MAPK10: variants seen among roughly 807,000 people sequenced by gnomAD.
The protein encoded by MAPK10 is mitogen-activated protein kinase 10, also known as JNK3 alpha protein kinase.
A neutral mutation model predicts 59.3 loss-of-function variants in MAPK10; 25 were observed. The ratio of observed to expected loss-of-function variants is 0.42; its 90% CI spans 0.31 to 0.59. The LOEUF (loss-of-function observed/expected upper bound fraction) is 0.59. Ranked by LOEUF, MAPK10 falls within the 20% of genes least tolerant of loss-of-function variation. The pLI is 0.15. For missense variants in MAPK10, 351 were observed against 568.9 expected (o/e 0.62, Z 3.90); for synonymous variants, 190 against 200.5 (o/e 0.95, Z 0.44).
At chr4:86,291,487 C>T (rs1026905800) in intron 2 of MAPK10, among the ~76,000 whole-genome samples, 5 of 152,098 alleles carry the variant, frequency 3.3e-5, no homozygotes, top group African/African-American at 1.2e-4. Context: ...CTAGTGGTTA[C>T]AGAAAAAGTA....
intron 3 of MAPK10, among the ~76,000 whole-genome samples, chr4:86,187,095 T>A (rs921456658): frequency 6.6e-6 from 1 of 152,106 alleles, no homozygotes; most frequent in African/African-American, 2.4e-5. Context: ...AATCAGTTCG[T>A]ATGATGAGAA....
At chr4:86,316,703 C>T (rs1197712128) in intron 2 of MAPK10, among the ~76,000 whole-genome samples, 1 of 152,088 alleles carries the variant, frequency 6.6e-6, no homozygotes, top group African/African-American at 2.4e-5. Context: ...ACTAAGAAAG[C>T]AGTAGTGGCA....
intron 2 of MAPK10, among the ~76,000 whole-genome samples, chr4:86,251,305 A>G (rs987631142): frequency 4.6e-5 from 7 of 151,820 alleles, no homozygotes; most frequent in Non-Finnish European, 8.8e-5. Context: ...AGGTATATCT[A>G]CCAATGCTAT....
intron 4 of MAPK10, among the ~76,000 whole-genome samples, chr4:86,144,992 A>AC (rs1338899212): frequency 6.6e-6 from 1 of 152,086 alleles, no homozygotes; most frequent in African/African-American, 2.4e-5. Context: ...TGTTTACCAA[A>AC]AAAAACCCAA....
intron 2 of MAPK10, among the ~76,000 whole-genome samples, chr4:86,280,382 C>G (rs2148796133): frequency 6.6e-6 from 1 of 152,178 alleles, no homozygotes; most frequent in South Asian, 2.1e-4. Context: ...CAGAGAAATG[C>G]AAATCAAAAC....
rs2080823448 is a variant in MAPK10, at chr4:86,194,528, T to C, written c.-6-121A>G. 7 of 677,882 alleles carry C rather than the reference T, an allele frequency of 1.0e-5. No homozygotes were observed. The South Asian group carries it at 1.2e-4, about 12-fold the overall frequency. 42.0% of individuals were successfully genotyped at this position (677,882 alleles called of 1,614,324 possible). A position where few individuals can be genotyped will look rare whatever the true frequency, so the allele number is the denominator to read the frequency against. Reference sequence around the variant, plus strand: ...TACCATGCACAACATATCTCCAACATAATCCTTATCTTGACCTGTACTATA... The same window carrying C: ...TACCATGCACAACATATCTCCAACACAATCCTTATCTTGACCTGTACTATA... On this transcript the variant is annotated intron_variant, in intron 2 of 13. Coordinates refer to ENST00000641462, the MANE Select transcript of MAPK10 (RefSeq NM_138982.4).
chr4:86,128,967 A>T (rs2060544881), intron 4 of MAPK10, among the ~76,000 whole-genome samples: 1 of 152,140 alleles, frequency 6.6e-6, no homozygotes, highest in African/African-American at 2.4e-5. Context: ...TAGTGTAAAC[A>T]AGAAAATTCC....
rs540769016 is a variant in MAPK10, at chr4:86,511,097, G to A, written c.-263+82813C>T. Among the ~76,000 whole-genome samples, 5 of 152,320 alleles carry A rather than the reference G, an allele frequency of 3.3e-5. No homozygotes were observed. The East Asian group carries it at 9.7e-4, about 29-fold the overall frequency. On this transcript the variant is annotated intron_variant, in intron 1 of 4. Transcript: ENST00000502302. ...AGGTGATGGATATCCCAGGTACCCT[G>A]ATTTGATCATTACACATTGTATACA...
intron 11 of MAPK10, among the ~76,000 whole-genome samples, chr4:86,063,165 A>C (rs1457323042): frequency 6.6e-6 from 1 of 152,178 alleles, no homozygotes; most frequent in African/African-American, 2.4e-5. Flanking sequence ...GTGTCTGTAA[A>C]GTTCAATTCT....
intron 2 of MAPK10, among the ~76,000 whole-genome samples, chr4:86,286,815 C>G (rs1485006393): frequency 6.6e-6 from 1 of 152,206 alleles, no homozygotes; most frequent in Non-Finnish European, 1.5e-5. Flanking sequence ...ATAGTAGCCT[C>G]AGTCTGAATA....
chr4:86,508,218 A>G (rs1755951830), intron 1 of MAPK10, among the ~76,000 whole-genome samples: 1 of 152,148 alleles, frequency 6.6e-6, no homozygotes, highest in Non-Finnish European at 1.5e-5. Context: ...CAGTGAGGCC[A>G]AAGTTAGCTC....
chr4:86,454,690 A>T, upstream of MAPK10, among the ~76,000 whole-genome samples: 1 of 152,174 alleles, frequency 6.6e-6, no homozygotes, highest in South Asian at 2.1e-4. Context: ...AAATCTAAAC[A>T]TTTGGCAACT....
chr4:86,235,573 A>G (rs531104613), intron 2 of MAPK10, among the ~76,000 whole-genome samples: 35 of 152,340 alleles, frequency 2.3e-4, no homozygotes, highest in African/African-American at 8.2e-4. Context: ...CATGTATCAC[A>G]TTATAGTAGA....
intron 2 of MAPK10, among the ~76,000 whole-genome samples, chr4:86,323,817 C>T (rs958679860): frequency 3.3e-5 from 5 of 152,060 alleles, no homozygotes; most frequent in Non-Finnish European, 7.4e-5. Flanking sequence ...AGAAAATATA[C>T]ATTGAGAAAA....
intron 1 of MAPK10, among the ~76,000 whole-genome samples, chr4:86,493,455 C>T (rs1754635915): frequency 6.6e-6 from 1 of 152,050 alleles, no homozygotes; most frequent in South Asian, 2.1e-4. Flanking sequence ...TTCTTTATTG[C>T]ATTTCCCTTT....
intron 1 of MAPK10, among the ~76,000 whole-genome samples, chr4:86,372,564 G>GAAAGAAAGAAAGAAAGAGAAAAGA: frequency 6.4e-5 from 5 of 78,690 alleles, no homozygotes. Context: ...AAGAAAGAAA[G>GAAAGAAAGAAAGAAAGAGAAAAGA]AAAGAAAAGA....
At chr4:86,162,696 G>A (rs538764625) in intron 3 of MAPK10, among the ~76,000 whole-genome samples, 6 of 151,822 alleles carry the variant, frequency 4.0e-5, no homozygotes, top group Non-Finnish European at 8.8e-5. Flanking sequence ...AACCACCTGC[G>A]CTCATTCAAT....
intron 1 of MAPK10, chr4:86,399,742 C>T (rs1187912307): frequency 2.0e-5 from 3 of 152,170 alleles, no homozygotes; most frequent in African/African-American, 7.2e-5. Context: ...TATTAATATC[C>T]TTACCACTGA....
At chr4:86,531,253 A>G (rs1189601917) in intron 1 of MAPK10, among the ~76,000 whole-genome samples, 1 of 152,220 alleles carries the variant, frequency 6.6e-6, no homozygotes, top group African/African-American at 2.4e-5. Context: ...TCATAAAGTA[A>G]TTGATTCTAT....
Sources: gnomAD v4.1 joint callset for allele counts (sites outside exome capture counted in the v4.1 genomes callset) on GRCh38, gnomAD v4.1.1 for gene constraint, MANE v1.5 for transcripts, NCBI Gene and HGNC (gene_info 2026-07-23, HGNC 2026-07-21) for gene names.